Variants in HEATR5A observed in about 807,000 individuals in gnomAD.
The protein encoded by HEATR5A is HEAT repeat containing 5A, also known as HEAT repeat-containing protein 5A.
In HEATR5A, 178 loss-of-function variants were observed where a neutral mutation model predicts 218.8. The ratio of observed to expected loss-of-function variants is 0.81; its 90% CI spans 0.72 to 0.92. The LOEUF (loss-of-function observed/expected upper bound fraction) is 0.92. Ranked by LOEUF, HEATR5A falls within the 40% of genes least tolerant of loss-of-function variation. The pLI, the probability that HEATR5A is intolerant of heterozygous loss-of-function variation, is 0.00. For synonymous variants in HEATR5A, 864 were observed against 871.6 expected (o/e 0.99, Z 0.15); for missense variants, 2,420 against 2,418.9 (o/e 1.00, Z -0.01).
At chr14:31,327,147 G>T (rs998614233) in intron 22 of HEATR5A, among the ~76,000 whole-genome samples, 1 of 151,348 alleles carries the variant, frequency 6.6e-6, no homozygotes, top group Non-Finnish European at 1.5e-5. Flanking sequence ...GCTAATTTTT[G>T]TATTTTTAGT....
In HEATR5A at chr14:31,387,240, A is replaced by C; in HGVS notation, c.1069T>G (p.Cys357Gly). Residue 357 changes from cysteine (C) to glycine (G), a missense_variant, in exon 8 of 36, where the codon TGT becomes GGT. Coordinates refer to ENST00000543095, the MANE Select transcript of HEATR5A (RefSeq NM_015473.4). ...ATQTQIDAVC[C>G]RRCVSFILRT... is the part of the protein sequence containing the mutation. ...AGAATAAATGAAACACAACGGCGACAGCAGACGGCATCGATCTGAGTTTGG... is the reference window on the plus strand; with the variant it reads ...AGAATAAATGAAACACAACGGCGACCGCAGACGGCATCGATCTGAGTTTGG... 6.2e-7 allele frequency: 1 copy of C among 1,614,032 alleles called. No individual in the cohort carries two copies. The highest frequency in any genetic ancestry group is 8.5e-7 in the Non-Finnish European group (1 of 1,179,900).
chr14:31,307,946 A>G lies in HEATR5A; in HGVS notation c.4765T>C (p.Leu1589=), dbSNP rs771563630. The change falls in exon 30 of 36, where the codon TTG becomes CTG. Residue 1589 remains leucine, a synonymous_variant. Transcript: ENST00000543095. ...CAAGGTACATCTAGAAGTGCTTGCA[A>G]TGCATGTAAACAAGCAGTTATGCTT... The part of the protein sequence containing the change: ...MESITACLHA[L]QALLDVPWPR... The G allele has an allele frequency of 8.1e-6, 13 of 1,613,634 alleles. No homozygotes were observed. The highest frequency in any genetic ancestry group is 1.1e-5 in the Non-Finnish European group (13 of 1,179,680).
rs181796920 is a variant in HEATR5A at position 31,347,501 on chromosome 14, A to T, written c.2868+247T>A. ...TGTGAGAGTATGTGCGTGAGCCACC[A>T]CTTCTAGCCCAAAGCTATCATTAAG... On this transcript the variant is annotated intron_variant, in intron 19 of 35. Transcript: ENST00000543095. Among the ~76,000 whole-genome samples, 99 of 152,294 alleles carry T rather than the reference A, an allele frequency of 6.5e-4. 1 individual carries two copies. Among genetic ancestry groups the T allele is most frequent in the Admixed American group, 1.8e-3 (28 of 15,294 alleles).
Position 31,402,961 on chromosome 14 carries a change from A to C in HEATR5A, c.15T>G (p.His5Gln). 1 of 1,536,024 alleles carries C rather than the reference A, an allele frequency of 6.5e-7. No homozygotes were observed. The highest frequency in any genetic ancestry group is 8.7e-7 in the Non-Finnish European group (1 of 1,146,774). MELA[H>Q]SLLLNEEAYN... ...ATGCTTCTTCATTCAGCAGTAAGCT[A>C]TGAGCTAATTCCATTCCTTGCAGCA... The change falls in exon 2 of 36, where the codon CAT becomes CAG. Residue 5 changes from histidine (H) to glutamine (Q), a missense_variant. Physicochemically the swap from His to Gln is conservative, Grantham distance 24 (BLOSUM62 0). Coordinates refer to ENST00000543095, the MANE Select transcript of HEATR5A (RefSeq NM_015473.4).
At position 31,346,948 on chromosome 14, in the gene HEATR5A, G is replaced by A. The variant is rs545751410; in HGVS notation, c.2868+800C>T. 8.5e-5 allele frequency among the ~76,000 whole-genome samples: 13 copies of A among 152,250 alleles called. No individual in the cohort carries two copies. In the South Asian group the frequency reaches 2.7e-3, roughly 32 times the overall value. The stretch of plus-strand genomic sequence containing the variant: ...CAGAAATAGGTAAGATATGTACAAC[G>A]ATATGGTAAAGTGGTTAAGAACAGG... On this transcript the variant is annotated intron_variant, in intron 19 of 35. Transcript: ENST00000543095.
chr14:31,343,960 A>C lies in HEATR5A; in HGVS notation c.3164T>G (p.Leu1055Arg). 6.2e-7 allele frequency: 1 copy of C among 1,612,012 alleles called. No individual in the cohort carries two copies. The highest frequency in any genetic ancestry group is 1.7e-5 in the Admixed American group (1 of 59,496). The change falls in exon 21 of 36, where the codon CTT becomes CGT. Residue 1055 changes from leucine to arginine, a missense_variant. Physicochemically the swap from Leu to Arg is moderately radical, Grantham distance 102. Transcript: ENST00000543095. ...CLVQAQAISC[L>R]QQLHMFAPRH... ...TGGAGCAAACATATGAAGCTGCTGAAGGCAAGAGATGGCCTGAGCTTGAAC... is the reference window on the plus strand; with the variant it reads ...TGGAGCAAACATATGAAGCTGCTGACGGCAAGAGATGGCCTGAGCTTGAAC...
chr14:31,293,281 G>A lies in HEATR5A; in HGVS notation c.*24C>T. ...ATGATCAAGTATTTATTATATTAAGGTGCTTACTATTCCAAAAAAAAAATC... is the reference window on the plus strand; with the variant it reads ...ATGATCAAGTATTTATTATATTAAGATGCTTACTATTCCAAAAAAAAAATC... On this transcript the variant is annotated 3_prime_UTR_variant, in exon 36 of 36. Coordinates refer to ENST00000543095, the MANE Select transcript of HEATR5A (RefSeq NM_015473.4). The A allele has an allele frequency of 1.3e-6, 2 of 1,534,164 alleles. No individual in the cohort carries two copies. The highest frequency in any genetic ancestry group is 1.8e-6 in the Non-Finnish European group (2 of 1,135,548).
Position 31,398,788 on chromosome 14 carries a change from C to G in HEATR5A, c.339-7G>C. The G allele has an allele frequency of 6.8e-7, 1 of 1,465,624 alleles. No homozygotes were observed. The highest frequency in any genetic ancestry group is 9.2e-7 in the Non-Finnish European group (1 of 1,084,454). 90.8% of individuals were successfully genotyped at this position (1,465,624 alleles called of 1,614,324 possible). On this transcript the variant is annotated splice_polypyrimidine_tract_variant and splice_region_variant and intron_variant, in intron 3 of 35. Coordinates refer to ENST00000543095, the MANE Select transcript of HEATR5A (RefSeq NM_015473.4). ...CAAACATACCACAGCAGCACTGAAA[C>G]AACATTTAAATTAGAAATTAGTCAC...
intron 16 of HEATR5A, among the ~76,000 whole-genome samples, chr14:31,355,403 ACT>A (rs981359906): frequency 6.6e-6 from 1 of 151,938 alleles, no homozygotes; most frequent in East Asian, 1.9e-4. Flanking sequence ...ACAGAGCAAA[ACT>A]CTGTCTCAAA....
intron 34 of HEATR5A, 48 bp downstream of exon 34, chr14:31,295,861 C>T (rs774848152): frequency 6.6e-7 from 1 of 1,521,136 alleles, no homozygotes; most frequent in Non-Finnish European, 9.0e-7. Context: ...TTTCTAAAGG[C>T]CTAGCCATTG....
chr14:31,309,019 T>C lies in HEATR5A; in HGVS notation c.4605A>G (p.Pro1535=). 1.9e-6 allele frequency: 3 copies of C among 1,613,940 alleles called. No homozygotes were observed. The highest frequency in any genetic ancestry group is 2.5e-6 in the Non-Finnish European group (3 of 1,179,836). ...ATGATGAACCCTGACACATGGAAGT[T>C]GGTGTTACAGGCCTGGAGAGATTAG... ...GASNLSRPVT[P]TSMCQGSSSG... Residue 1535 remains proline (P), a synonymous_variant, in exon 29 of 36, where the codon CCA becomes CCG. Coordinates refer to ENST00000543095, the MANE Select transcript of HEATR5A (RefSeq NM_015473.4).
intron 31 of HEATR5A, among the ~76,000 whole-genome samples, chr14:31,305,477 G>A (rs1899527690): frequency 6.6e-6 from 1 of 152,218 alleles, no homozygotes; most frequent in South Asian, 2.1e-4. Flanking sequence ...TGGTCAGGCT[G>A]GTCTCGAACT....
chr14:31,309,100 T>G lies in HEATR5A; in HGVS notation c.4524A>C (p.Thr1508=). 6.2e-7 allele frequency: 1 copy of G among 1,614,024 alleles called. No individual in the cohort carries two copies. Among genetic ancestry groups the G allele is most frequent in the Non-Finnish European group, 8.5e-7 (1 of 1,179,890 alleles). The change falls in exon 29 of 36, where the codon ACA becomes ACC. Residue 1508 remains threonine, a synonymous_variant. Transcript: ENST00000543095. ...AACCCGTGCTTGTAAGCCACAATGC[T>G]GTAGCATGGAGGATAAGTGCCCAGG... ...YNSWALILHA[T]ALWLTSTGFV...
chr14:31,349,340 C>T (rs1901132239), intron 18 of HEATR5A, among the ~76,000 whole-genome samples: 1 of 151,886 alleles, frequency 6.6e-6, no homozygotes, highest in Non-Finnish European at 1.5e-5. Flanking sequence ...GCCGAGATCG[C>T]GCCACTGCAC....
chr14:31,320,371 C>T (rs771824873), intron 25 of HEATR5A: 24 of 932,056 alleles, frequency 2.6e-5, no homozygotes, highest in African/African-American at 6.5e-5. Context: ...TGCCAAACAC[C>T]GCTCCAATGC....
chr14:31,334,150 G>GA (rs35291926), intron 22 of HEATR5A, among the ~76,000 whole-genome samples: 7 of 149,792 alleles, frequency 4.7e-5, no homozygotes, highest in East Asian at 2.0e-4. Context: ...TTACTGCTCA[G>GA]AAAAAAAAAA....
intron 6 of HEATR5A, among the ~76,000 whole-genome samples, chr14:31,392,086 C>T (rs1174452234): frequency 6.6e-6 from 1 of 152,130 alleles, no homozygotes; most frequent in African/African-American, 2.4e-5. Context: ...TATAGAATGG[C>T]CCTTGATATG....
Position 31,358,740 on chromosome 14 carries a change from CTA to C in HEATR5A, c.2306_2307del (p.Val769GlyfsTer7). On this transcript the variant is annotated frameshift_variant, in exon 16 of 36. Coordinates refer to ENST00000543095, the MANE Select transcript of HEATR5A (RefSeq NM_015473.4). LOFTEE classifies it high-confidence loss of function. Reference sequence around the variant, plus strand: ...AAGGGCTTAGGCACTGAATCTCCCTCTACATCTTTCTCATAAATCGAATAAGG... The same window carrying C: ...AAGGGCTTAGGCACTGAATCTCCCTCCATCTTTCTCATAAATCGAATAAGG... ...YDPYSIYEKD[V>X]EGDSVPKPLP... is the part of the protein sequence containing the mutation. 6.2e-7 allele frequency: 1 copy of C among 1,613,898 alleles called. No individual in the cohort carries two copies. Among genetic ancestry groups the C allele is most frequent in the Non-Finnish European group, 8.5e-7 (1 of 1,179,860 alleles).
At chr14:31,295,833 C>A (rs1436312852) in intron 34 of HEATR5A, 76 bp downstream of exon 34, 1 of 1,251,860 alleles carries the variant, frequency 8.0e-7, no homozygotes, top group South Asian at 1.4e-5. Flanking sequence ...TTGGAGCCAA[C>A]AAAATCACAC....
Sources: allele counts gnomAD v4.1 joint callset (sites outside exome capture counted in the v4.1 genomes callset), GRCh38; gene constraint gnomAD v4.1.1; transcripts MANE v1.5; gene names NCBI Gene and HGNC (gene_info 2026-07-23, HGNC 2026-07-21).